The following SPAG16 variants were observed in gnomAD, a reference collection of about 807,000 sequenced individuals.
SPAG16 encodes the protein sperm associated antigen 16, also known as sperm-associated antigen 16 protein.
In SPAG16, 86 loss-of-function variants were observed where a neutral mutation model predicts 80.4. That is an observed-to-expected ratio of 1.07 (90% CI 0.90 to 1.28). The LOEUF is 1.28. Among genes scored for constraint, SPAG16 ranks in the 50% most tolerant of loss-of-function variants. The pLI is 0.00. For missense variants in SPAG16, 870 were observed against 765.3 expected (o/e 1.14, Z -1.61); for synonymous variants, 294 against 265.9 (o/e 1.11, Z -1.03).
At chr2:213,811,223 C>T (rs541841998) in intron 10 of SPAG16, among the ~76,000 whole-genome samples, 29 of 152,160 alleles carry the variant, frequency 1.9e-4, no homozygotes, top group Middle Eastern at 3.4e-3. Flanking sequence ...TCTAATGTAG[C>T]TCTTGGAAAT....
At chr2:213,426,546 T>G (rs891043782) in intron 9 of SPAG16, among the ~76,000 whole-genome samples, 1 of 152,030 alleles carries the variant, frequency 6.6e-6, no homozygotes, top group Non-Finnish European at 1.5e-5. Context: ...ATCTACAACC[T>G]ACACAGACCA....
chr2:213,695,222 C>T (rs941027645), intron 10 of SPAG16, among the ~76,000 whole-genome samples: 17 of 152,038 alleles, frequency 1.1e-4, no homozygotes, highest in African/African-American at 3.6e-4. Flanking sequence ...ACTCAAGCTC[C>T]GACTGCAACT....
At chr2:213,619,207 A>G (rs1464523196) in intron 10 of SPAG16, among the ~76,000 whole-genome samples, 1 of 152,164 alleles carries the variant, frequency 6.6e-6, no homozygotes, top group Non-Finnish European at 1.5e-5. Context: ...AATCAACTCA[A>G]AATGGATTAA....
intron 11 of SPAG16, among the ~76,000 whole-genome samples, chr2:213,900,658 A>G (rs1164143363): frequency 6.6e-6 from 1 of 152,102 alleles, no homozygotes; most frequent in Non-Finnish European, 1.5e-5. Context: ...ATTTAGACTA[A>G]TTGTTCTGTT....
At chr2:214,011,856 G>T (rs2047296405) in intron 12 of SPAG16, among the ~76,000 whole-genome samples, 1 of 151,810 alleles carries the variant, frequency 6.6e-6, no homozygotes, top group African/African-American at 2.4e-5. Context: ...CATATCTTTT[G>T]ATGTCTCAAA....
intron 10 of SPAG16, among the ~76,000 whole-genome samples, chr2:213,801,786 G>A (rs942000946): frequency 2.2e-4 from 34 of 152,126 alleles, no homozygotes; most frequent in East Asian, 5.8e-4. Flanking sequence ...ATATGAGAAG[G>A]GATGAAAGTA....
intron 5 of SPAG16, among the ~76,000 whole-genome samples, chr2:213,336,771 G>A (rs577711742): frequency 9.2e-5 from 14 of 152,168 alleles, no homozygotes; most frequent in African/African-American, 1.9e-4. Flanking sequence ...GGGCAGCTAC[G>A]GTATCATGGA....
intron 12 of SPAG16, among the ~76,000 whole-genome samples, chr2:213,932,627 C>T (rs1329442824): frequency 6.6e-6 from 1 of 152,164 alleles, no homozygotes; most frequent in Non-Finnish European, 1.5e-5. Flanking sequence ...GCTTCTGGCT[C>T]AGTCTTGAAC....
At chr2:213,397,110 C>A (rs2068080935) in intron 9 of SPAG16, among the ~76,000 whole-genome samples, 1 of 152,286 alleles carries the variant, frequency 6.6e-6, no homozygotes, top group African/African-American at 2.4e-5. Flanking sequence ...ACAATCAACT[C>A]TTTGGAAGAA....
intron 10 of SPAG16, among the ~76,000 whole-genome samples, chr2:213,680,481 C>T (rs752795090): frequency 1.3e-5 from 2 of 151,820 alleles, no homozygotes; most frequent in Non-Finnish European, 2.9e-5. Context: ...AACAAGGGCT[C>T]TTATGGATGT....
At chr2:213,452,713 T>G (rs1378313307) in intron 9 of SPAG16, among the ~76,000 whole-genome samples, 1 of 152,268 alleles carries the variant, frequency 6.6e-6, no homozygotes, top group Non-Finnish European at 1.5e-5. Flanking sequence ...CATTGCTTAC[T>G]GAATCTTGCA....
chr2:214,322,162 T>C (rs1696139831), intron 15 of SPAG16, among the ~76,000 whole-genome samples: 2 of 152,180 alleles, frequency 1.3e-5, no homozygotes, highest in Admixed American at 6.5e-5. Flanking sequence ...TAGATCCCCC[T>C]CTTCCATTGA....
intron 13 of SPAG16, among the ~76,000 whole-genome samples, chr2:214,099,581 G>GGTA (rs1419295470): frequency 2.0e-5 from 3 of 152,070 alleles, no homozygotes; most frequent in Non-Finnish European, 4.4e-5. Flanking sequence ...TATGAACTAA[G>GGTA]GTAGATACAT....
intron 10 of SPAG16, among the ~76,000 whole-genome samples, chr2:213,690,323 G>A (rs568797133): frequency 4.6e-5 from 7 of 152,340 alleles, no homozygotes; most frequent in African/African-American, 1.7e-4. Flanking sequence ...CAAGTCACCA[G>A]CAGATTTGGC....
rs140795030 is a variant in SPAG16 at position 214,038,194 on chromosome 2, A to T, written c.1527+24117A>T. 3.5e-3 allele frequency among the ~76,000 whole-genome samples: 526 copies of T among 152,226 alleles called. 4 individuals carry two copies. Among genetic ancestry groups the T allele is most frequent in the Middle Eastern group, 0.017 (5 of 294 alleles). On this transcript the variant is annotated intron_variant, in intron 13 of 15. Coordinates refer to ENST00000331683, the MANE Select transcript of SPAG16 (RefSeq NM_024532.5). The stretch of plus-strand genomic sequence containing the variant: ...TATTTTGTAATTTCTTTTGGTGTTT[A>T]GGAAAGACTGTACTTTTGTTCTAGC...
chr2:213,462,492 C>A (rs1449572087), intron 9 of SPAG16, among the ~76,000 whole-genome samples: 1 of 152,046 alleles, frequency 6.6e-6, no homozygotes, highest in South Asian at 2.1e-4. Context: ...GTGTCCCTAC[C>A]CAAATCTCAT....
chr2:213,901,607 C>T (rs562955273), intron 11 of SPAG16, among the ~76,000 whole-genome samples: 1 of 151,806 alleles, frequency 6.6e-6, no homozygotes, highest in East Asian at 1.9e-4. Context: ...AATATTTAGT[C>T]CAAAGAAAAC....
At position 213,316,250 on chromosome 2, in the gene SPAG16, A is replaced by C. The variant is rs865877989; in HGVS notation, c.399-969A>C. 8.6e-5 allele frequency among the ~76,000 whole-genome samples: 13 copies of C among 152,000 alleles called. 1 individual carries two copies. The highest frequency in any genetic ancestry group is 1.9e-4 in the Non-Finnish European group (13 of 67,940). ...TCTGTTGCTCAGCCAAAAACCCTGG[A>C]GTCGCACTTGCCTTCTCTCATTTAC... On this transcript the variant is annotated intron_variant, in intron 4 of 15. Coordinates refer to ENST00000331683, the MANE Select transcript of SPAG16 (RefSeq NM_024532.5).
intron 1 of SPAG16, among the ~76,000 whole-genome samples, chr2:213,294,331 G>C (rs528930538): frequency 6.6e-6 from 1 of 152,106 alleles, no homozygotes; most frequent in Non-Finnish European, 1.5e-5. Context: ...AAAATACCTC[G>C]AACAGATTGC....
Sources: gnomAD v4.1 joint callset for allele counts (sites outside exome capture counted in the v4.1 genomes callset) on GRCh38, gnomAD v4.1.1 for gene constraint, MANE v1.5 for transcripts, NCBI Gene and HGNC (gene_info 2026-07-23, HGNC 2026-07-21) for gene names.